Variants in SUSD4 observed in about 807,000 individuals in gnomAD.
SUSD4 encodes the protein sushi domain containing 4.
A neutral mutation model predicts 50.5 loss-of-function variants in SUSD4; 41 were observed. That is an observed-to-expected ratio of 0.81 (90% CI 0.63 to 1.05). The LOEUF (loss-of-function observed/expected upper bound fraction) is 1.05. SUSD4 is among the 50% of genes least tolerant of loss of function. The pLI is 0.00. For synonymous variants in SUSD4, 257 were observed against 257.3 expected (o/e 1.00, Z 0.01); for missense variants, 580 against 634.7 (o/e 0.91, Z 0.93).
chr1:223,270,067 G>A (rs1250456785), intron 3 of SUSD4, among the ~76,000 whole-genome samples: 1 of 152,082 alleles, frequency 6.6e-6, no homozygotes, highest in African/African-American at 2.4e-5. Flanking sequence ...TGGGAAGTAT[G>A]GCACAACAGA....
At chr1:223,304,904 T>C (rs1665439083) in intron 2 of SUSD4, among the ~76,000 whole-genome samples, 2 of 142,428 alleles carry the variant, frequency 1.4e-5, no homozygotes, top group African/African-American at 2.7e-5. Context: ...TGAAAACATA[T>C]TGCTTCATAC....
chr1:223,304,404 C>G (rs780400245), intron 2 of SUSD4, among the ~76,000 whole-genome samples: 14 of 152,100 alleles, frequency 9.2e-5, no homozygotes, highest in Non-Finnish European at 1.8e-4. Flanking sequence ...TTCAGGGGGT[C>G]TCCCTACATA....
chr1:223,343,894 TCCA>T (rs1234279355), intron 2 of SUSD4, among the ~76,000 whole-genome samples: 1 of 152,188 alleles, frequency 6.6e-6, no homozygotes, highest in African/African-American at 2.4e-5. Context: ...CAGCTTTATT[TCCA>T]CCACCAACAG....
chr1:223,277,458 A>G (rs1409325887), intron 3 of SUSD4, among the ~76,000 whole-genome samples: 1 of 152,120 alleles, frequency 6.6e-6, no homozygotes, highest in East Asian at 1.9e-4. Flanking sequence ...TGGGACAAAA[A>G]GCACAGGTGG....
At chr1:223,351,829 A>T (rs1403589932) in intron 2 of SUSD4, among the ~76,000 whole-genome samples, 1 of 152,176 alleles carries the variant, frequency 6.6e-6, no homozygotes, top group Non-Finnish European at 1.5e-5. Flanking sequence ...CTGAAAGAAT[A>T]GTTTCAATGT....
chr1:223,296,629 T>C (rs967637038), intron 2 of SUSD4, among the ~76,000 whole-genome samples: 2 of 152,150 alleles, frequency 1.3e-5, no homozygotes, highest in African/African-American at 4.8e-5. Flanking sequence ...AGAGTTTGGC[T>C]GTGTCCCCAC....
At chr1:223,314,157 G>A (rs528713380) in intron 2 of SUSD4, among the ~76,000 whole-genome samples, 2 of 152,156 alleles carry the variant, frequency 1.3e-5, no homozygotes, top group East Asian at 1.9e-4. Flanking sequence ...CTTGGGGTCC[G>A]GATCAGTAAC....
At chr1:223,278,645 A>G (rs779260348) in intron 3 of SUSD4, among the ~76,000 whole-genome samples, 6 of 152,250 alleles carry the variant, frequency 3.9e-5, no homozygotes, top group Non-Finnish European at 7.3e-5. Flanking sequence ...GGGGCAGGGC[A>G]TAGCTGAACA....
At chr1:223,349,090 G>C (rs1443123713) in intron 2 of SUSD4, among the ~76,000 whole-genome samples, 3 of 152,120 alleles carry the variant, frequency 2.0e-5, no homozygotes, top group Non-Finnish European at 4.4e-5. Context: ...AGGCCATCAA[G>C]TCTCATAACA....
rs180955231 is a variant in SUSD4, at chr1:223,228,217, A to G, written c.917-479T>C. ...ACAGCTCTCATGCCCTACCACCTCT[A>G]GCCATCAACTGCCTGCCAGGTCAGG... On this transcript the variant is annotated intron_variant, in intron 6 of 8. Coordinates refer to ENST00000366878, the MANE Select transcript of SUSD4 (RefSeq NM_017982.4). Among the ~76,000 whole-genome samples the G allele has an allele frequency of 3.9e-3, 595 of 152,328 alleles. 3 individuals are homozygous for G. The highest frequency in any genetic ancestry group is 0.013 in the African/African-American group (560 of 41,572).
intron 5 of SUSD4, among the ~76,000 whole-genome samples, chr1:223,232,041 G>A (rs1420739521): frequency 1.3e-5 from 2 of 152,200 alleles, no homozygotes; most frequent in Non-Finnish European, 2.9e-5. Flanking sequence ...CGTGGAGGAC[G>A]TTCTGCTAAG....
At chr1:223,234,837 T>C in intron 5 of SUSD4, 1 of 1,365,754 alleles carries the variant, frequency 7.3e-7, no homozygotes, top group Non-Finnish European at 9.7e-7. Flanking sequence ...TTCAAAACAA[T>C]GCCAGTTGGT....
intron 2 of SUSD4, among the ~76,000 whole-genome samples, chr1:223,310,553 G>C (rs533556021): frequency 6.6e-6 from 1 of 152,288 alleles, no homozygotes; most frequent in East Asian, 1.9e-4. Flanking sequence ...TATACAGCAT[G>C]ATTCTTTTTT....
Position 223,229,997 on chromosome 1 carries a change from C to A in SUSD4, c.725-609G>T, listed in dbSNP as rs1349845925. On this transcript the variant is annotated intron_variant, in intron 5 of 8. Transcript: ENST00000366878. This position sits in a 1 kb window ranked among gnomAD's most constrained non-coding sequence, Gnocchi z 4.7. ...AGGCTTGGTTCTGCCACCAACACCACACTGTGTGACCTTAAGCAGATCCCT... is the reference window on the plus strand; with the variant it reads ...AGGCTTGGTTCTGCCACCAACACCAAACTGTGTGACCTTAAGCAGATCCCT... Among the ~76,000 whole-genome samples the A allele has an allele frequency of 1.3e-5, 2 of 152,220 alleles. No homozygotes were observed. The highest frequency in any genetic ancestry group is 4.8e-5 in the African/African-American group (2 of 41,452).
intron 3 of SUSD4, among the ~76,000 whole-genome samples, chr1:223,273,868 C>T (rs73122234): frequency 0.38 from 58,545 of 152,076 alleles, 11,525 homozygotes; most frequent in Non-Finnish European, 0.42. Flanking sequence ...CCCTGCCCTA[C>T]GCACCTCTTC....
chr1:223,254,008 G>A (rs2103049287), intron 5 of SUSD4, among the ~76,000 whole-genome samples: 1 of 152,300 alleles, frequency 6.6e-6, no homozygotes, highest in South Asian at 2.1e-4. Context: ...GGACTACAGG[G>A]CAAAGGAGGA....
At position 223,261,716 on chromosome 1, in the gene SUSD4, A is replaced by T. The variant is rs961372937; in HGVS notation, c.724+2914T>A. Among the ~76,000 whole-genome samples the T allele has an allele frequency of 2.0e-5, 3 of 152,222 alleles. No homozygotes were observed. The South Asian group carries it at 6.2e-4, about 31-fold the overall frequency. ...AACAACCAAAATTGTGTCACAGTGT[A>T]CATGTCTAAAAGTCTGGAGACCGTA... On this transcript the variant is annotated intron_variant, in intron 5 of 8. Coordinates refer to ENST00000366878, the MANE Select transcript of SUSD4 (RefSeq NM_017982.4).
intron 3 of SUSD4, chr1:223,289,003 T>C (rs1664315895): frequency 2.8e-6 from 2 of 720,278 alleles, no homozygotes; most frequent in Non-Finnish European, 3.4e-6. Context: ...TCTTATGAAA[T>C]GTAGGAAAGG....
chr1:223,242,863 T>C (rs1660674988), intron 5 of SUSD4, among the ~76,000 whole-genome samples: 1 of 152,142 alleles, frequency 6.6e-6, no homozygotes, highest in Non-Finnish European at 1.5e-5. Flanking sequence ...CAGGGTGAAG[T>C]CGCTGGAGAG....
Sources: allele counts gnomAD v4.1 joint callset (sites outside exome capture counted in the v4.1 genomes callset), GRCh38; gene constraint gnomAD v4.1.1; non-coding constraint Gnocchi (gnomAD v3.1); transcripts MANE v1.5; gene names NCBI Gene and HGNC (gene_info 2026-07-23, HGNC 2026-07-21).